SDCCAG8: variants seen among roughly 807,000 people sequenced by gnomAD.
SDCCAG8 encodes the protein SHH signaling and ciliogenesis regulator SDCCAG8.
Under a neutral mutation model 101.8 loss-of-function variants are expected in SDCCAG8, and 74 were observed. The observed-to-expected ratio is 0.73, with a 90% confidence interval of 0.60 to 0.88. The LOEUF is 0.88. Among genes scored for constraint, SDCCAG8 ranks in the 40% least tolerant of loss-of-function variants. The probability of loss-of-function intolerance (pLI) is 0.00; values close to 1 mark genes in which losing one functional copy is unlikely to be tolerated. For missense variants in SDCCAG8, 787 were observed against 822.6 expected, an observed-to-expected ratio of 0.96 and a Z score of 0.53; for synonymous variants, 281 against 292.9, an observed-to-expected ratio of 0.96 and a Z score of 0.41.
intron 9 of SDCCAG8, among the ~76,000 whole-genome samples, chr1:243,324,067 A>T (rs961754295): frequency 6.6e-6 from 1 of 152,086 alleles, no homozygotes; most frequent in Non-Finnish European, 1.5e-5. Flanking sequence ...ACCAGTGAAT[A>T]CACCCACATT....
chr1:243,375,795 T>A (rs1376376946), intron 12 of SDCCAG8, among the ~76,000 whole-genome samples: 1 of 152,112 alleles, frequency 6.6e-6, no homozygotes, highest in Non-Finnish European at 1.5e-5. Context: ...AGGCAAAGGG[T>A]TATCCTGCCA....
chr1:243,467,991 G>A (rs1660472642), intron 16 of SDCCAG8, among the ~76,000 whole-genome samples: 1 of 152,178 alleles, frequency 6.6e-6, no homozygotes, highest in African/African-American at 2.4e-5. Flanking sequence ...CAAATGCCCA[G>A]TAGCTCTACG....
At chr1:243,340,575 C>A (rs190029932) in intron 10 of SDCCAG8, among the ~76,000 whole-genome samples, 1 of 152,042 alleles carries the variant, frequency 6.6e-6, no homozygotes, top group African/African-American at 2.4e-5. Flanking sequence ...TGTTGGTTTG[C>A]GGGAAGGGTA....
At position 243,499,860 on chromosome 1, in the gene SDCCAG8, A is replaced by G; in HGVS notation, c.*75A>G. The stretch of plus-strand genomic sequence containing the variant: ...TCATCTGGTTTAGACTTAATATGCC[A>G]CAACGCACCACGACCTTCCCAGGGT... On this transcript the variant is annotated 3_prime_UTR_variant, in exon 18 of 18. Transcript: ENST00000366541. 2 of 1,408,310 alleles carry G rather than the reference A, an allele frequency of 1.4e-6. No homozygotes were observed. Among genetic ancestry groups the G allele is most frequent in the Non-Finnish European group, 1.0e-6 (1 of 1,002,254 alleles). 87.2% of individuals were successfully genotyped at this position (1,408,310 alleles called of 1,614,324 possible). A position where few individuals can be genotyped will look rare whatever the true frequency, so the allele number is the denominator to read the frequency against.
chr1:243,358,095 G>A (rs1200130959), intron 12 of SDCCAG8, among the ~76,000 whole-genome samples: 1 of 152,020 alleles, frequency 6.6e-6, no homozygotes, highest in African/African-American at 2.4e-5. Context: ...TAGATAAATT[G>A]AATGTCATCA....
intron 16 of SDCCAG8, among the ~76,000 whole-genome samples, chr1:243,480,654 A>G (rs1574301698): frequency 2.2e-5 from 2 of 91,162 alleles, no homozygotes; most frequent in African/African-American, 4.2e-5. Context: ...GGATGGATGG[A>G]TGGGTGGGAT....
At chr1:243,491,917 G>T (rs1426499286) in intron 17 of SDCCAG8, among the ~76,000 whole-genome samples, 1 of 152,160 alleles carries the variant, frequency 6.6e-6, no homozygotes, top group Non-Finnish European at 1.5e-5. Context: ...AATTTTGCAT[G>T]TCAAACTCTA....
chr1:243,449,808 G>A (rs1460450785), intron 16 of SDCCAG8, among the ~76,000 whole-genome samples: 1 of 152,144 alleles, frequency 6.6e-6, no homozygotes, highest in East Asian at 1.9e-4. Flanking sequence ...CCTAGAGTAG[G>A]GAGGCCTCAG....
intron 16 of SDCCAG8, among the ~76,000 whole-genome samples, chr1:243,462,869 A>C (rs1054858060): frequency 7.2e-6 from 1 of 139,848 alleles, no homozygotes; most frequent in East Asian, 1.9e-4. Context: ...AAAACAAAAC[A>C]AAAAAAAACC....
chr1:243,302,319 A>G (rs1440600769), intron 6 of SDCCAG8, among the ~76,000 whole-genome samples: 1 of 150,894 alleles, frequency 6.6e-6, no homozygotes, highest in Non-Finnish European at 1.5e-5. Context: ...TAGGTTTTTA[A>G]TGCAGATGTA....
intron 7 of SDCCAG8, chr1:243,306,525 A>C (rs1415708567): frequency 6.6e-6 from 1 of 152,126 alleles, no homozygotes; most frequent in African/African-American, 2.4e-5. Flanking sequence ...ATTTTCATAA[A>C]TAAATAAAAT....
chr1:243,330,611 A>C lies in SDCCAG8; in HGVS notation c.1140A>C (p.Ala380=). ...RQAERLEKEL[A]SQQEKRAIEK... Reference sequence around the variant, plus strand: ...CGGAGCGACTTGAAAAAGAACTTGCATCTCAGCAAGAGAAAAGGGCCATTG... The same window carrying C: ...CGGAGCGACTTGAAAAAGAACTTGCCTCTCAGCAAGAGAAAAGGGCCATTG... Residue 380 remains alanine, a synonymous_variant, in exon 10 of 18, where the codon GCA becomes GCC. Coordinates refer to ENST00000366541, the MANE Select transcript of SDCCAG8 (RefSeq NM_006642.5). 6.2e-7 allele frequency: 1 copy of C among 1,614,042 alleles called. No individual in the cohort carries two copies.
At chr1:243,389,624 G>A (rs922029824) in intron 13 of SDCCAG8, among the ~76,000 whole-genome samples, 1 of 151,984 alleles carries the variant, frequency 6.6e-6, no homozygotes. Context: ...CATTTTTATT[G>A]TGTTTTAAAA....
chr1:243,484,261 A>G (rs1295101910), intron 16 of SDCCAG8, among the ~76,000 whole-genome samples: 1 of 152,252 alleles, frequency 6.6e-6, no homozygotes, highest in Non-Finnish European at 1.5e-5. Context: ...CCTCTGGTGC[A>G]GCCACACTGC....
At chr1:243,456,475 G>A (rs1558494828) in intron 16 of SDCCAG8, among the ~76,000 whole-genome samples, 1 of 152,128 alleles carries the variant, frequency 6.6e-6, no homozygotes, top group African/African-American at 2.4e-5. Context: ...TTTAAAAAAT[G>A]CATGCCTCTG....
intron 17 of SDCCAG8, among the ~76,000 whole-genome samples, chr1:243,489,767 C>T (rs1173663754): frequency 6.6e-6 from 1 of 152,162 alleles, no homozygotes. Flanking sequence ...TTACAGCTGG[C>T]AAGTAGGGAC....
intron 16 of SDCCAG8, among the ~76,000 whole-genome samples, chr1:243,464,473 A>G (rs1416613918): frequency 6.6e-6 from 1 of 152,222 alleles, no homozygotes. Flanking sequence ...TTCATCAGGC[A>G]AGTAAGGTTG....
At chr1:243,258,050 A>G (rs1234945410) in intron 1 of SDCCAG8, among the ~76,000 whole-genome samples, 2 of 152,208 alleles carry the variant, frequency 1.3e-5, no homozygotes, top group Non-Finnish European at 2.9e-5. Context: ...TTCAATAATT[A>G]CAGAATGAAG....
intron 12 of SDCCAG8, among the ~76,000 whole-genome samples, chr1:243,378,341 A>T (rs897470970): frequency 6.6e-6 from 1 of 152,134 alleles, no homozygotes; most frequent in African/African-American, 2.4e-5. Context: ...TAAAAAGTAC[A>T]TACTTGATGT....
Sources: allele counts gnomAD v4.1 joint callset (sites outside exome capture counted in the v4.1 genomes callset), GRCh38; gene constraint gnomAD v4.1.1; transcripts MANE v1.5; gene names NCBI Gene and HGNC (gene_info 2026-07-23, HGNC 2026-07-21).